SPMIP2: variants seen among roughly 807,000 people sequenced by gnomAD.
SPMIP2 encodes the protein sperm microtubule inner protein 2.
chr4:159,076,692 G>A, the SPMIP2 span, among the ~76,000 whole-genome samples: 4 of 151,966 alleles, frequency 2.6e-5, no homozygotes, highest in Non-Finnish European at 4.4e-5. Flanking sequence ...TTTAGAGATA[G>A]AGTCTTGCTC....
At chr4:158,915,028 G>A in the SPMIP2 span, 1 of 676,058 alleles carries the variant, frequency 1.5e-6, no homozygotes, top group East Asian at 2.7e-5. Context: ...TGGCAATCCA[G>A]TATAAATTAC....
At chr4:158,991,245 A>T in the SPMIP2 span, among the ~76,000 whole-genome samples, 1 of 152,238 alleles carries the variant, frequency 6.6e-6, no homozygotes. Context: ...GACAGAAAGA[A>T]GGAATTTCAT....
At chr4:159,056,013 T>C in the SPMIP2 span, among the ~76,000 whole-genome samples, 1 of 152,190 alleles carries the variant, frequency 6.6e-6, no homozygotes, top group Non-Finnish European at 1.5e-5. Flanking sequence ...TTGTCTTAGC[T>C]TCAGACCTTA....
At chr4:159,023,028 CAATAAAATAAAATAA>C in the SPMIP2 span, among the ~76,000 whole-genome samples, 8,571 of 137,306 alleles carry the variant, frequency 0.062, 304 homozygotes, top group Middle Eastern at 0.074. Flanking sequence ...GACTCCATCT[CAATAAAATAAAATAA>C]AATAAAATAA....
At chr4:158,904,907 G>C in the SPMIP2 span, 2 of 198,104 alleles carry the variant, frequency 1.0e-5, no homozygotes, top group Non-Finnish European at 2.1e-5. Context: ...GTGGTCAGCA[G>C]TGTACATAAT....
chr4:159,030,054 T>C, the SPMIP2 span, among the ~76,000 whole-genome samples: 1 of 152,198 alleles, frequency 6.6e-6, no homozygotes, highest in African/African-American at 2.4e-5. Context: ...CATAGAATAA[T>C]GAAGCATCAG....
At chr4:159,069,496 T>C in the SPMIP2 span, among the ~76,000 whole-genome samples, 1 of 151,684 alleles carries the variant, frequency 6.6e-6, no homozygotes, top group Non-Finnish European at 1.5e-5. Context: ...TGCAGTGGTG[T>C]GATCATGGCT....
At chr4:159,005,919 C>A in the SPMIP2 span, among the ~76,000 whole-genome samples, 2 of 152,092 alleles carry the variant, frequency 1.3e-5, no homozygotes, top group African/African-American at 4.8e-5. Flanking sequence ...TGTGTGCCAC[C>A]ACGCCCAGCT....
chr4:159,032,000 T>C, the SPMIP2 span, among the ~76,000 whole-genome samples: 15 of 152,184 alleles, frequency 9.9e-5, no homozygotes, highest in African/African-American at 3.6e-4. Flanking sequence ...GGCGGGCAGA[T>C]CACCGGAGGT....
chr4:158,918,731 G>A, the SPMIP2 span, among the ~76,000 whole-genome samples: 423 of 152,292 alleles, frequency 2.8e-3, 3 homozygotes, highest in African/African-American at 9.7e-3. Flanking sequence ...CACATCAACT[G>A]TGGGGATTTA....
the SPMIP2 span, among the ~76,000 whole-genome samples, chr4:158,987,628 G>A: frequency 1.3e-5 from 2 of 152,022 alleles, no homozygotes; most frequent in African/African-American, 4.8e-5. Flanking sequence ...GGGGACTGTT[G>A]TGGGGTAGGG....
chr4:158,914,957 T>C, the SPMIP2 span, among the ~76,000 whole-genome samples: 1 of 152,210 alleles, frequency 6.6e-6, no homozygotes, highest in South Asian at 2.1e-4. Flanking sequence ...ACACAACCTC[T>C]TGTTTTCTTT....
the SPMIP2 span, among the ~76,000 whole-genome samples, chr4:158,964,527 T>C: frequency 6.6e-6 from 1 of 152,178 alleles, no homozygotes. Flanking sequence ...AACCAATATA[T>C]ACCCATTTCA....
chr4:159,014,384 CA>C, the SPMIP2 span, among the ~76,000 whole-genome samples: 1 of 152,108 alleles, frequency 6.6e-6, no homozygotes, highest in Admixed American at 6.6e-5. Flanking sequence ...ACCCAGGAGG[CA>C]GAGGTTGCAG....
chr4:159,043,861 C>G, the SPMIP2 span, among the ~76,000 whole-genome samples: 2 of 152,122 alleles, frequency 1.3e-5, no homozygotes, highest in African/African-American at 4.8e-5. Flanking sequence ...AAGACATAAG[C>G]TCTTAATATT....
At chr4:158,974,307 A>C in the SPMIP2 span, among the ~76,000 whole-genome samples, 6 of 152,112 alleles carry the variant, frequency 3.9e-5, no homozygotes, top group Non-Finnish European at 7.4e-5. Flanking sequence ...AGATCACTTA[A>C]ATGAATTTTT....
the SPMIP2 span, among the ~76,000 whole-genome samples, chr4:159,038,434 A>G: frequency 6.6e-6 from 1 of 152,204 alleles, no homozygotes; most frequent in Non-Finnish European, 1.5e-5. Flanking sequence ...TGTACATTAT[A>G]TGCTATGAAC....
the SPMIP2 span, among the ~76,000 whole-genome samples, chr4:159,052,366 C>G: frequency 2.0e-5 from 3 of 148,214 alleles, no homozygotes; most frequent in Non-Finnish European, 4.5e-5. Flanking sequence ...TTAAGTAGAC[C>G]CTGAAAACAA....
At chr4:158,980,003 A>C in the SPMIP2 span, among the ~76,000 whole-genome samples, 2 of 151,890 alleles carry the variant, frequency 1.3e-5, no homozygotes, top group Non-Finnish European at 2.9e-5. Context: ...TGGGACGCTC[A>C]AGCTTGGTTT....
Sources: allele counts gnomAD v4.1 joint callset (sites outside exome capture counted in the v4.1 genomes callset), GRCh38; gene constraint gnomAD v4.1.1; transcripts MANE v1.5; gene names NCBI Gene and HGNC (gene_info 2026-07-23, HGNC 2026-07-21).